MDM1: variants seen among roughly 807,000 people sequenced by gnomAD.
The protein encoded by MDM1 is stabilizer of axonemal microtubules 6.
A neutral mutation model predicts 89.1 loss-of-function variants in MDM1; 61 were observed. The observed-to-expected ratio is 0.68, with a 90% CI of 0.56 to 0.85. The LOEUF (loss-of-function observed/expected upper bound fraction) is 0.85, where lower values mean the gene tolerates loss of function less well. Ranked by LOEUF, MDM1 falls within the 40% of genes least tolerant of loss-of-function variation. The pLI, the probability that MDM1 is intolerant of heterozygous loss-of-function variation, is 0.00. For missense variants in MDM1, 820 were observed against 846.5 expected, an observed-to-expected ratio of 0.97 and a Z score of 0.39; for synonymous variants, 290 against 294.1, an observed-to-expected ratio of 0.99 and a Z score of 0.14.
chr12:68,323,401 G>A (rs376301909), intron 4 of MDM1, 161 bp from the exon 5 acceptor site: 1 of 550,410 alleles, frequency 1.8e-6, no homozygotes, highest in South Asian at 2.5e-5. Flanking sequence ...ACATCCAAAG[G>A]TCAACTTTAT....
intron 7 of MDM1, among the ~76,000 whole-genome samples, chr12:68,320,176 A>T (rs995330386): frequency 6.6e-6 from 1 of 152,088 alleles, no homozygotes; most frequent in Admixed American, 6.5e-5. Context: ...AGTCAGGGAG[A>T]TCTTTGCCAA....
Position 68,315,098 on chromosome 12 carries a change from C to A in MDM1, c.1379G>T (p.Ser460Ile), listed in dbSNP as rs780412997. The A allele has an allele frequency of 1.1e-5, 17 of 1,614,134 alleles. No individual in the cohort carries two copies. Among genetic ancestry groups the A allele is most frequent in the Non-Finnish European group, 1.4e-5 (17 of 1,180,030 alleles). Residue 460 changes from serine to isoleucine, a missense_variant, in exon 10 of 15, where the codon AGT becomes ATT. By Grantham distance (142) the Ser-to-Ile change is moderately radical. Coordinates refer to ENST00000682720, the MANE Select transcript of MDM1 (RefSeq NM_001354969.2). ...RRLAWDTENT[S>I]EDVQKQPGEK... ...CCCGGGCTGTTTCTGTACGTCTTCACTTGTGTTCTCTGTATCCCAAGCCAG... is the reference window on the plus strand; with the variant it reads ...CCCGGGCTGTTTCTGTACGTCTTCAATTGTGTTCTCTGTATCCCAAGCCAG...
At chr12:68,318,338 G>A (rs1874763098) in intron 7 of MDM1, among the ~76,000 whole-genome samples, 1 of 152,142 alleles carries the variant, frequency 6.6e-6, no homozygotes, top group African/African-American at 2.4e-5. Flanking sequence ...TGAATGAAAG[G>A]ATGGATGAAT....
intron 7 of MDM1, among the ~76,000 whole-genome samples, chr12:68,319,633 TATC>T (rs1874961010): frequency 6.6e-6 from 1 of 152,198 alleles, no homozygotes; most frequent in Admixed American, 6.5e-5. Context: ...CTAAAACTGT[TATC>T]ATCAATGATC....
At chr12:68,316,415 A>G in intron 8 of MDM1, 162 bp from the exon 9 acceptor site, 1 of 965,234 alleles carries the variant, frequency 1.0e-6, no homozygotes, top group Non-Finnish European at 1.5e-6. Flanking sequence ...TTAAGCAAAA[A>G]CTAAAACAAT....
rs987777454 is a variant in MDM1, at chr12:68,302,481, A to G, written c.2002+139T>C. 5.0e-6 allele frequency: 4 copies of G among 793,578 alleles called. No individual in the cohort carries two copies. In the African/African-American group the frequency reaches 5.2e-5, roughly 10 times the overall value. 49.2% of individuals were successfully genotyped at this position (793,578 alleles called of 1,614,324 possible). A position where few individuals can be genotyped will look rare whatever the true frequency, so the allele number is the denominator to read the frequency against. ...TTGGTCCCAAGGAGGGAGTTTTCCT[A>G]TTTAAAGAAATTTTATTAATACATT... On this transcript the variant is annotated intron_variant, in intron 13 of 14. Transcript: ENST00000682720.
Position 68,325,506 on chromosome 12 carries a change from C to A in MDM1, c.568G>T (p.Glu190Ter). 6.3e-7 allele frequency: 1 copy of A among 1,599,200 alleles called. No homozygotes were observed. ...VPSYNALRNS[E>*]YQRQFVWKTS... ...TTCCAAACAAACTGCCTTTGATATT[C>A]AGAATTTCTCAAGGCATTATATGAA... Residue 190 changes from glutamate to a stop codon, truncating the protein, a stop_gained, in exon 4 of 15, where the codon GAA becomes TAA. Transcript: ENST00000682720. LOFTEE classifies it high-confidence loss of function.
rs1438559207 is a variant in MDM1 at position 68,326,685 on chromosome 12, T to A, written c.470A>T (p.Lys157Met). ...ATTATCTACATTTTCTGAAAGAACCTTGGTAGAATGTTCCAGTTCCACATT... is the reference window on the plus strand; with the variant it reads ...ATTATCTACATTTTCTGAAAGAACCATGGTAGAATGTTCCAGTTCCACATT... ...NENVELEHST[K>M]VLSENVDNGL... The change falls in exon 3 of 15, where the codon AAG (lysine) becomes ATG (methionine). Residue 157 changes from lysine to methionine, a missense_variant. Coordinates refer to ENST00000682720, the MANE Select transcript of MDM1 (RefSeq NM_001354969.2). The A allele has an allele frequency of 1.9e-6, 3 of 1,614,180 alleles. No individual in the cohort carries two copies. The highest frequency in any genetic ancestry group is 1.7e-6 in the Non-Finnish European group (2 of 1,180,014).
intron 1 of MDM1, 124 bp downstream of exon 1, chr12:68,332,104 G>A (rs574148576): frequency 2.9e-6 from 4 of 1,379,858 alleles, no homozygotes; most frequent in East Asian, 5.0e-5. Context: ...AGCAGGCCCT[G>A]GGGCTGGCAG....
At chr12:68,327,806 G>A (rs553358603) in intron 2 of MDM1, among the ~76,000 whole-genome samples, 5 of 152,236 alleles carry the variant, frequency 3.3e-5, no homozygotes, top group Admixed American at 2.0e-4. Flanking sequence ...ATGTCACCCC[G>A]GGTCCTTATC....
chr12:68,330,732 C>T (rs565335476), intron 2 of MDM1: 1 of 169,908 alleles, frequency 5.9e-6, no homozygotes, highest in African/African-American at 2.4e-5. Context: ...TTTTGTCATG[C>T]TTTATGGCCC....
At chr12:68,312,858 G>A (rs921651778) in intron 12 of MDM1, among the ~76,000 whole-genome samples, 1 of 151,980 alleles carries the variant, frequency 6.6e-6, no homozygotes, top group Non-Finnish European at 1.5e-5. Context: ...TGAGGGATCT[G>A]CACTTACTGT....
intron 5 of MDM1, among the ~76,000 whole-genome samples, chr12:68,322,787 A>C (rs1875406488): frequency 6.6e-6 from 1 of 152,230 alleles, no homozygotes; most frequent in African/African-American, 2.4e-5. Context: ...TACTAAACTT[A>C]TTAGACTTAC....
intron 12 of MDM1, among the ~76,000 whole-genome samples, chr12:68,308,123 CCTT>C (rs1406034939): frequency 7.3e-5 from 11 of 149,960 alleles, no homozygotes; most frequent in African/African-American, 2.2e-4. Flanking sequence ...ACTTGCTGTT[CCTT>C]CTTTTTTTTT....
chr12:68,300,851 T>C (rs957945524), intron 13 of MDM1, among the ~76,000 whole-genome samples: 2 of 152,212 alleles, frequency 1.3e-5, no homozygotes, highest in African/African-American at 2.4e-5. Context: ...CCAACAATTG[T>C]AGAATATACA....
intron 7 of MDM1, among the ~76,000 whole-genome samples, chr12:68,317,815 C>G (rs975309398): frequency 6.6e-6 from 1 of 152,142 alleles, no homozygotes; most frequent in Non-Finnish European, 1.5e-5. Flanking sequence ...TTATAAAGTG[C>G]CTCGATATAC....
chr12:68,325,562 A>G lies in MDM1; in HGVS notation c.512T>C (p.Leu171Pro), dbSNP rs1443902236. ...AACAGTCAATCCAGCTTTCTTACGC[A>G]GAAGTCTATCCAACTGTTCAAAAAA... ...ENVDNGLDRLLRKKAGLTVVP... is the reference protein window; with the variant it reads ...ENVDNGLDRLPRKKAGLTVVP... The change falls in exon 4 of 15, where the codon CTG becomes CCG. Residue 171 changes from leucine (L) to proline (P), a missense_variant. By Grantham distance (98) the Leu-to-Pro change is moderately conservative. Coordinates refer to ENST00000682720, the MANE Select transcript of MDM1 (RefSeq NM_001354969.2). 7 of 1,571,854 alleles carry G rather than the reference A, an allele frequency of 4.5e-6. No individual in the cohort carries two copies. The highest frequency in any genetic ancestry group is 6.0e-6 in the Non-Finnish European group (7 of 1,160,798).
chr12:68,316,891 G>A (rs924736681), intron 7 of MDM1, among the ~76,000 whole-genome samples: 4 of 152,022 alleles, frequency 2.6e-5, no homozygotes, highest in African/African-American at 7.3e-5. Flanking sequence ...GTACTTACAC[G>A]CCAAAAATCC....
chr12:68,320,322 C>T (rs958172254), intron 7 of MDM1, among the ~76,000 whole-genome samples: 1 of 152,134 alleles, frequency 6.6e-6, no homozygotes, highest in African/African-American at 2.4e-5. Context: ...AGATAATATC[C>T]GGGACAGCTT....
Sources: gnomAD v4.1 joint callset for allele counts (sites outside exome capture counted in the v4.1 genomes callset) on GRCh38, gnomAD v4.1.1 for gene constraint, MANE v1.5 for transcripts, NCBI Gene and HGNC (gene_info 2026-07-23, HGNC 2026-07-21) for gene names.